GALNT18: variants seen among roughly 807,000 people sequenced by gnomAD.
GALNT18 encodes the protein polypeptide N-acetylgalactosaminyltransferase 18.
In GALNT18, 44 loss-of-function variants were observed where a neutral mutation model predicts 69.5. That is an observed-to-expected ratio of 0.63 (90% CI 0.50 to 0.81). The LOEUF is 0.81. Among genes scored for constraint, GALNT18 ranks in the 40% least tolerant of loss-of-function variants. GALNT18 has a pLI of 0.00. For missense variants in GALNT18, 715 were observed against 810.0 expected, an observed-to-expected ratio of 0.88 and a Z score of 1.42; for synonymous variants, 364 against 318.2, an observed-to-expected ratio of 1.14 and a Z score of -1.53.
Position 11,291,538 on chromosome 11 carries a change from C to T in GALNT18, c.1677+1491G>A, listed in dbSNP as rs139068476. 2.9e-3 allele frequency among the ~76,000 whole-genome samples: 439 copies of T among 149,796 alleles called. 2 individuals carry two copies. The highest frequency in any genetic ancestry group is 0.024 in the Middle Eastern group (7 of 294). On this transcript the variant is annotated intron_variant, in intron 10 of 10. Transcript: ENST00000227756. The stretch of plus-strand genomic sequence containing the variant: ...TGGGATAGAACTTCACAGTTTACAG[C>T]ACATGTCAAAGGTTACATAGACAGG...
rs11021951 is a variant in GALNT18 at position 11,605,211 on chromosome 11, A to G, written c.235+16148T>C. 0.087 allele frequency among the ~76,000 whole-genome samples: 13,271 copies of G among 152,198 alleles called. 728 individuals are homozygous for G. The highest frequency in any genetic ancestry group is 0.15 in the Middle Eastern group (43 of 294). Reference sequence around the variant, plus strand: ...GAGAAGGGTCTGTGGTGCCAAACTCAGACCCACACTCATGGGTGGGTGATT... The same window carrying G: ...GAGAAGGGTCTGTGGTGCCAAACTCGGACCCACACTCATGGGTGGGTGATT... On this transcript the variant is annotated intron_variant, in intron 1 of 10. Coordinates refer to ENST00000227756, the MANE Select transcript of GALNT18 (RefSeq NM_198516.3). This position sits in a 1 kb window ranked among gnomAD's most constrained non-coding sequence, Gnocchi z 4.7.
rs752242745 is a variant in GALNT18 at position 11,390,484 on chromosome 11, C to T, written c.596-11220G>A. On this transcript the variant is annotated intron_variant, in intron 3 of 10. Coordinates refer to ENST00000227756, the MANE Select transcript of GALNT18 (RefSeq NM_198516.3). Reference sequence around the variant, plus strand: ...GCTCCATCTCCTTCCAGGGCAGCTCCGAGCATCCTCTGGGGGAAGAGTTAA... The same window carrying T: ...GCTCCATCTCCTTCCAGGGCAGCTCTGAGCATCCTCTGGGGGAAGAGTTAA... Among the ~76,000 whole-genome samples the T allele has an allele frequency of 1.8e-4, 28 of 152,284 alleles. No individual in the cohort carries two copies. The East Asian group carries it at 1.9e-3, about 11-fold the overall frequency.
At chr11:11,361,653 T>C (rs1850649229) in intron 6 of GALNT18, among the ~76,000 whole-genome samples, 1 of 152,214 alleles carries the variant, frequency 6.6e-6, no homozygotes, top group East Asian at 1.9e-4. Flanking sequence ...CAGCTTATAC[T>C]CACTGTTTAT....
At chr11:11,447,572 G>A (rs7395913) in intron 2 of GALNT18, among the ~76,000 whole-genome samples, 147,602 of 152,274 alleles carry the variant, frequency 0.97, 71,724 homozygotes, top group Middle Eastern at 1. Context: ...TATAAAGGAA[G>A]GAGGTTCAAT....
chr11:11,577,046 C>CAAGT (rs1565022742), intron 1 of GALNT18, among the ~76,000 whole-genome samples: 1 of 151,796 alleles, frequency 6.6e-6, no homozygotes, highest in East Asian at 1.9e-4. Context: ...TCGATGCAGG[C>CAAGT]TCACGTATCT....
chr11:11,324,923 C>A (rs539620169), intron 9 of GALNT18, among the ~76,000 whole-genome samples: 3 of 152,256 alleles, frequency 2.0e-5, no homozygotes, highest in East Asian at 1.9e-4. Context: ...TAAATTAGTA[C>A]AACCACTATG....
chr11:11,506,495 G>A (rs1342174007), intron 1 of GALNT18, among the ~76,000 whole-genome samples: 1 of 152,178 alleles, frequency 6.6e-6, no homozygotes, highest in Non-Finnish European at 1.5e-5. Flanking sequence ...AGCGTTTCGT[G>A]TGCAGGGCGA....
chr11:11,418,080 G>A (rs1249789900), intron 3 of GALNT18, among the ~76,000 whole-genome samples: 1 of 152,208 alleles, frequency 6.6e-6, no homozygotes, highest in Non-Finnish European at 1.5e-5. Context: ...GCTCAGCCAT[G>A]CATTGTTTAA....
intron 6 of GALNT18, among the ~76,000 whole-genome samples, chr11:11,363,526 G>C (rs1431355374): frequency 6.6e-6 from 1 of 152,058 alleles, no homozygotes; most frequent in African/African-American, 2.4e-5. Flanking sequence ...AAAATAAACA[G>C]GTACCTATGT....
rs976000980 is a variant in GALNT18 at position 11,432,162 on chromosome 11, C to G, written c.595+459G>C. Among the ~76,000 whole-genome samples, 2 of 152,208 alleles carry G rather than the reference C, an allele frequency of 1.3e-5. No individual in the cohort carries two copies. Among genetic ancestry groups the G allele is most frequent in the African/African-American group, 4.8e-5 (2 of 41,448 alleles). ...CATTGAGTTACGTGTCCACTGCCAT[C>G]CCCATCATCACCACCACTACAACCT... On this transcript the variant is annotated intron_variant, in intron 3 of 10. Coordinates refer to ENST00000227756, the MANE Select transcript of GALNT18 (RefSeq NM_198516.3). This position sits in a 1 kb window ranked among gnomAD's most constrained non-coding sequence, Gnocchi z 5.8.
intron 9 of GALNT18, among the ~76,000 whole-genome samples, chr11:11,319,768 T>C (rs1237566581): frequency 1.3e-5 from 2 of 152,334 alleles, no homozygotes; most frequent in South Asian, 2.1e-4. Context: ...ATCTGCATCC[T>C]TATACTTTGG....
At chr11:11,384,040 T>C (rs1589957090) in intron 3 of GALNT18, among the ~76,000 whole-genome samples, 1 of 152,164 alleles carries the variant, frequency 6.6e-6, no homozygotes, top group South Asian at 2.1e-4. Flanking sequence ...CACTTACTAT[T>C]AGTCCATTCA....
At chr11:11,460,736 T>G (rs1856022779) in intron 1 of GALNT18, among the ~76,000 whole-genome samples, 1 of 151,740 alleles carries the variant, frequency 6.6e-6, no homozygotes, top group African/African-American at 2.4e-5. Flanking sequence ...CTGCTACTGT[T>G]CTTTGGACTT....
intron 1 of GALNT18, among the ~76,000 whole-genome samples, chr11:11,545,729 G>C (rs1858039902): frequency 6.6e-6 from 1 of 152,164 alleles, no homozygotes; most frequent in Non-Finnish European, 1.5e-5. Flanking sequence ...TTCACTCAGG[G>C]GACAGCCAAG....
intron 3 of GALNT18, among the ~76,000 whole-genome samples, chr11:11,388,019 C>T (rs776187154): frequency 2.6e-5 from 4 of 152,224 alleles, no homozygotes; most frequent in Admixed American, 6.5e-5. Context: ...TCTTCAAAGT[C>T]GATTGATACT....
chr11:11,451,934 C>T (rs1373170636), intron 1 of GALNT18, among the ~76,000 whole-genome samples: 9 of 152,178 alleles, frequency 5.9e-5, no homozygotes, highest in African/African-American at 2.2e-4. Flanking sequence ...AGGGCCACTA[C>T]TTGTCTTTGT....
At chr11:11,560,993 A>G (rs1367275826) in intron 1 of GALNT18, among the ~76,000 whole-genome samples, 1 of 152,186 alleles carries the variant, frequency 6.6e-6, no homozygotes, top group African/African-American at 2.4e-5. Context: ...AACTCATTTT[A>G]TTTAACCTTT....
chr11:11,519,856 A>G (rs1393094053), intron 1 of GALNT18, among the ~76,000 whole-genome samples: 1 of 152,198 alleles, frequency 6.6e-6, no homozygotes, highest in African/African-American at 2.4e-5. Flanking sequence ...GCAGGTATAT[A>G]AAGTCTGTGG....
intron 2 of GALNT18, among the ~76,000 whole-genome samples, chr11:11,438,821 C>T (rs1417459795): frequency 9.3e-6 from 1 of 107,916 alleles, no homozygotes; most frequent in Non-Finnish European, 2.3e-5. Context: ...AGCAGGACAA[C>T]ATGGACAAAT....
Sources: allele counts gnomAD v4.1 joint callset (sites outside exome capture counted in the v4.1 genomes callset), GRCh38; gene constraint gnomAD v4.1.1; non-coding constraint Gnocchi (gnomAD v3.1); transcripts MANE v1.5; gene names NCBI Gene and HGNC (gene_info 2026-07-23, HGNC 2026-07-21).